MOB3B: variants seen among roughly 807,000 people sequenced by gnomAD.
The protein encoded by MOB3B is MOB kinase activator-like 2B.
Under a neutral mutation model 18.7 loss-of-function variants are expected in MOB3B, and 7 were observed. The ratio of observed to expected loss-of-function variants is 0.37; its 90% CI spans 0.21 to 0.70. The LOEUF is 0.70. Among genes scored for constraint, MOB3B ranks in the 30% least tolerant of loss-of-function variants. MOB3B has a pLI of 0.52. For missense variants in MOB3B, 253 were observed against 281.3 expected (o/e 0.90, Z 0.72); for synonymous variants, 111 against 99.9 (o/e 1.11, Z -0.66).
chr9:27,461,599 T>G (rs989252095), intron 1 of MOB3B, among the ~76,000 whole-genome samples: 16 of 152,244 alleles, frequency 1.1e-4, no homozygotes, highest in African/African-American at 2.9e-4. Context: ...CAAATAGGTG[T>G]AACCGTACAG....
intron 2 of MOB3B, among the ~76,000 whole-genome samples, chr9:27,410,675 T>C (rs1202381315): frequency 1.3e-5 from 2 of 152,310 alleles, no homozygotes; most frequent in Non-Finnish European, 2.9e-5. Flanking sequence ...GCCTGCTTGG[T>C]GGTCTTCAGG....
At chr9:27,362,393 A>G (rs1410207802) in intron 2 of MOB3B, among the ~76,000 whole-genome samples, 5 of 152,096 alleles carry the variant, frequency 3.3e-5, no homozygotes, top group Non-Finnish European at 7.4e-5. Context: ...TAATACACAA[A>G]TTTACTTTGT....
At chr9:27,384,023 G>C in intron 2 of MOB3B, among the ~76,000 whole-genome samples, 1 of 152,186 alleles carries the variant, frequency 6.6e-6, no homozygotes, top group East Asian at 1.9e-4. Context: ...AAATTCTACA[G>C]TAAAGAAACC....
rs185935896 is a variant in MOB3B, at chr9:27,478,712, G to A, written c.-198-22964C>T. Among the ~76,000 whole-genome samples the A allele has an allele frequency of 1.5e-3, 233 of 151,864 alleles. 2 individuals carry two copies. The highest frequency in any genetic ancestry group is 5.2e-3 in the African/African-American group (217 of 41,394). ...GAGAAGGAGTAGGTTATGTGAGAGT[G>A]GCAATACTGAAATGATAAAAGCTGA... On this transcript the variant is annotated intron_variant, in intron 1 of 3. Transcript: ENST00000262244.
chr9:27,387,170 A>C (rs1292792125), intron 2 of MOB3B, among the ~76,000 whole-genome samples: 2 of 152,262 alleles, frequency 1.3e-5, no homozygotes, highest in African/African-American at 4.8e-5. Context: ...ATGAATGAAT[A>C]AATGAATAAT....
intron 2 of MOB3B, among the ~76,000 whole-genome samples, chr9:27,443,784 A>G (rs1016484607): frequency 1.3e-5 from 2 of 152,188 alleles, no homozygotes; most frequent in East Asian, 1.9e-4. Flanking sequence ...TGGTTTTAGC[A>G]TACTTCCTGA....
intron 1 of MOB3B, among the ~76,000 whole-genome samples, chr9:27,502,297 C>G (rs1434789618): frequency 6.6e-6 from 1 of 152,186 alleles, no homozygotes; most frequent in Non-Finnish European, 1.5e-5. Context: ...CAATATCAAA[C>G]CAAATAATAC....
chr9:27,484,189 T>C lies in MOB3B; in HGVS notation c.-198-28441A>G, dbSNP rs145527230. 1.6e-3 allele frequency among the ~76,000 whole-genome samples: 248 copies of C among 152,302 alleles called. 2 individuals carry two copies. Among genetic ancestry groups the C allele is most frequent in the African/African-American group, 5.5e-3 (230 of 41,566 alleles). ...TCTGGAGCTGAGGGTGAGTTGAACA[T>C]AGAAGTGATCAGGAGTCTTTCTAAG... On this transcript the variant is annotated intron_variant, in intron 1 of 3. Transcript: ENST00000262244.
At chr9:27,525,094 AG>A in intron 1 of MOB3B, 1 of 715,466 alleles carries the variant, frequency 1.4e-6, no homozygotes, top group Non-Finnish European at 2.2e-6. Context: ...TCGGAACATC[AG>A]GGACACTCAC....
chr9:27,514,936 G>T (rs944637046), intron 1 of MOB3B, among the ~76,000 whole-genome samples: 5 of 152,144 alleles, frequency 3.3e-5, no homozygotes, highest in South Asian at 4.1e-4. Context: ...GACATCTCAC[G>T]GTGCTCCCTC....
At chr9:27,479,547 C>T (rs190347957) in intron 1 of MOB3B, among the ~76,000 whole-genome samples, 21 of 151,830 alleles carry the variant, frequency 1.4e-4, no homozygotes, top group East Asian at 3.9e-4. Context: ...ATAATAACTT[C>T]GATATGAAGG....
chr9:27,393,277 C>T (rs1241559983), intron 2 of MOB3B, among the ~76,000 whole-genome samples: 1 of 151,938 alleles, frequency 6.6e-6, no homozygotes, highest in Non-Finnish European at 1.5e-5. Context: ...AAATATAGGC[C>T]AGGTGATTAT....
intron 2 of MOB3B, among the ~76,000 whole-genome samples, chr9:27,360,137 A>C (rs1449854564): frequency 3.9e-5 from 6 of 152,198 alleles, no homozygotes; most frequent in African/African-American, 1.4e-4. Context: ...CAGCGCCTAG[A>C]ACATAGTGAA....
At chr9:27,477,081 TAGTC>T (rs1378016511) in intron 1 of MOB3B, among the ~76,000 whole-genome samples, 3 of 152,166 alleles carry the variant, frequency 2.0e-5, no homozygotes, top group Non-Finnish European at 4.4e-5. Flanking sequence ...CTTTCCCTCA[TAGTC>T]AGACAGGGCA....
chr9:27,404,003 C>T (rs1176417983), intron 2 of MOB3B, among the ~76,000 whole-genome samples: 1 of 152,134 alleles, frequency 6.6e-6, no homozygotes, highest in Non-Finnish European at 1.5e-5. Context: ...TATAGTCGCT[C>T]TATTGTGCTA....
chr9:27,481,913 G>A (rs1009436611), intron 1 of MOB3B, among the ~76,000 whole-genome samples: 8 of 152,168 alleles, frequency 5.3e-5, no homozygotes, highest in Non-Finnish European at 8.8e-5. Flanking sequence ...GGAACTCGGA[G>A]TTTTATGGGA....
At chr9:27,507,358 C>T (rs113956853) in intron 1 of MOB3B, among the ~76,000 whole-genome samples, 4 of 152,248 alleles carry the variant, frequency 2.6e-5, no homozygotes, top group African/African-American at 9.6e-5. Flanking sequence ...CTTGTCAGCC[C>T]AGTCTTGTTA....
intron 1 of MOB3B, among the ~76,000 whole-genome samples, chr9:27,489,809 C>G (rs546393553): frequency 3.1e-5 from 4 of 131,046 alleles, no homozygotes; most frequent in Non-Finnish European, 4.7e-5. Context: ...TCCACCTATA[C>G]AAGAATACAC....
chr9:27,463,583 A>G (rs1454247988), intron 1 of MOB3B, among the ~76,000 whole-genome samples: 1 of 152,164 alleles, frequency 6.6e-6, no homozygotes, highest in African/African-American at 2.4e-5. Context: ...GATTCAAAAG[A>G]CCTGGATTCA....
Sources: allele counts gnomAD v4.1 joint callset (sites outside exome capture counted in the v4.1 genomes callset), GRCh38; gene constraint gnomAD v4.1.1; transcripts MANE v1.5; gene names NCBI Gene and HGNC (gene_info 2026-07-23, HGNC 2026-07-21).